The following ARL15 variants were observed in gnomAD, a reference collection of about 807,000 sequenced individuals.
The protein encoded by ARL15 is ARF like GTPase 15.
Under a neutral mutation model 25.2 loss-of-function variants are expected in ARL15, and 19 were observed. The observed-to-expected ratio is 0.75, with a 90% CI of 0.53 to 1.10. The LOEUF (loss-of-function observed/expected upper bound fraction) is 1.10. ARL15 is among the 50% of genes least tolerant of loss of function. The pLI is 0.00. For missense variants in ARL15, 220 were observed against 246.0 expected, an observed-to-expected ratio of 0.89 and a Z score of 0.71; for synonymous variants, 94 against 86.8, an observed-to-expected ratio of 1.08 and a Z score of -0.46.
chr5:54,294,497 G>GA (rs1188287828), intron 1 of ARL15, among the ~76,000 whole-genome samples: 2 of 152,164 alleles, frequency 1.3e-5, no homozygotes, highest in Non-Finnish European at 2.9e-5. Context: ...GTCAGAAAAG[G>GA]AAAGAGGGAG....
chr5:54,168,087 G>A (rs1754625845), intron 2 of ARL15, among the ~76,000 whole-genome samples: 1 of 152,176 alleles, frequency 6.6e-6, no homozygotes, highest in Non-Finnish European at 1.5e-5. Flanking sequence ...CAAAGAGCAG[G>A]GTTGTTTGTA....
intron 1 of ARL15, among the ~76,000 whole-genome samples, chr5:54,241,082 A>T (rs1279752119): frequency 6.6e-6 from 1 of 152,218 alleles, no homozygotes; most frequent in Non-Finnish European, 1.5e-5. Context: ...TGAATTATTA[A>T]TGATGCTTAA....
chr5:54,137,821 G>T (rs1753650984), intron 3 of ARL15, among the ~76,000 whole-genome samples: 1 of 151,636 alleles, frequency 6.6e-6, no homozygotes, highest in Admixed American at 6.6e-5. Context: ...TATTATAGTT[G>T]GGCATGGTGG....
At chr5:53,926,068 T>C (rs982419512) in intron 4 of ARL15, among the ~76,000 whole-genome samples, 1 of 146,876 alleles carries the variant, frequency 6.8e-6, no homozygotes, top group Middle Eastern at 3.8e-3. Context: ...CTAAAGAAGA[T>C]ACATCATCGC....
chr5:54,165,755 A>T (rs896435090), intron 2 of ARL15, among the ~76,000 whole-genome samples: 1 of 122,462 alleles, frequency 8.2e-6, no homozygotes, highest in Non-Finnish European at 1.7e-5. Context: ...TATATATATA[A>T]ATAGAGACAG....
chr5:54,034,895 C>T (rs1337278245), intron 4 of ARL15, among the ~76,000 whole-genome samples: 3 of 151,702 alleles, frequency 2.0e-5, no homozygotes, highest in Admixed American at 1.3e-4. Context: ...TCTTGAACTC[C>T]TGGCCTCAAG....
At chr5:54,250,280 C>T (rs1359409202) in intron 1 of ARL15, among the ~76,000 whole-genome samples, 1 of 152,118 alleles carries the variant, frequency 6.6e-6, no homozygotes. Context: ...CCCCCACAAT[C>T]CAACCACCCC....
chr5:54,070,404 G>C (rs930221612), intron 4 of ARL15, among the ~76,000 whole-genome samples: 19 of 151,454 alleles, frequency 1.3e-4, no homozygotes, highest in African/African-American at 4.6e-4. Context: ...AAAAAAAAAA[G>C]TTGGTTTGGC....
chr5:54,198,165 T>C (rs1248502864), intron 1 of ARL15, among the ~76,000 whole-genome samples: 1 of 152,178 alleles, frequency 6.6e-6, no homozygotes, highest in East Asian at 1.9e-4. Context: ...ATCAGCTATC[T>C]ATGACAAACC....
chr5:53,950,018 A>G (rs974331029), intron 4 of ARL15, among the ~76,000 whole-genome samples: 2 of 152,208 alleles, frequency 1.3e-5, no homozygotes, highest in Admixed American at 1.3e-4. Context: ...GCGATGCAGA[A>G]AAAAAGGCAC....
chr5:54,199,021 A>C (rs1361945728), intron 1 of ARL15, among the ~76,000 whole-genome samples: 2 of 151,610 alleles, frequency 1.3e-5, no homozygotes, highest in East Asian at 1.9e-4. Flanking sequence ...ATCTTTGACA[A>C]ACCTGAGAAA....
intron 3 of ARL15, among the ~76,000 whole-genome samples, chr5:54,119,984 T>C (rs966885192): frequency 7.2e-5 from 11 of 152,200 alleles, no homozygotes; most frequent in Non-Finnish European, 1.5e-5. Context: ...TTCATCTTCC[T>C]GATTACACTG....
At chr5:53,951,991 G>A (rs1051204142) in intron 4 of ARL15, among the ~76,000 whole-genome samples, 14 of 152,024 alleles carry the variant, frequency 9.2e-5, no homozygotes, top group Middle Eastern at 6.8e-3. Flanking sequence ...AGAGTAGCTG[G>A]GCGTGGTGGC....
chr5:54,077,260 G>T (rs545961611), intron 4 of ARL15, among the ~76,000 whole-genome samples: 1 of 152,192 alleles, frequency 6.6e-6, no homozygotes, highest in East Asian at 1.9e-4. Flanking sequence ...AAATGAATGT[G>T]GTAGGAATAT....
At chr5:53,955,923 G>A (rs1747134487) in intron 4 of ARL15, among the ~76,000 whole-genome samples, 1 of 152,128 alleles carries the variant, frequency 6.6e-6, no homozygotes, top group African/African-American at 2.4e-5. Context: ...CAGCTGCCTA[G>A]GACAAAAGAT....
At chr5:54,032,974 T>C (rs548511604) in intron 4 of ARL15, among the ~76,000 whole-genome samples, 1 of 151,760 alleles carries the variant, frequency 6.6e-6, no homozygotes, top group East Asian at 1.9e-4. Context: ...TATATGTACA[T>C]ATATAAGTAT....
At chr5:54,117,361 T>C (rs1390846504) in intron 3 of ARL15, among the ~76,000 whole-genome samples, 2 of 72,966 alleles carry the variant, frequency 2.7e-5, no homozygotes, top group Middle Eastern at 6.7e-3. Flanking sequence ...CTGCAAATAG[T>C]GAGACACATA....
At chr5:53,931,915 C>A (rs538037561) in intron 4 of ARL15, among the ~76,000 whole-genome samples, 1 of 152,318 alleles carries the variant, frequency 6.6e-6, no homozygotes, top group Admixed American at 6.5e-5. Context: ...TCTATATTCC[C>A]TGCCCATCCG....
intron 4 of ARL15, among the ~76,000 whole-genome samples, chr5:53,976,633 CATTCACTGATATGGGACA>C (rs1425298800): frequency 6.6e-6 from 1 of 152,202 alleles, no homozygotes; most frequent in Non-Finnish European, 1.5e-5. Flanking sequence ...ATGGAGGCAT[CATTCACTGATATGGGACA>C]AACAGGAAGA....
Sources: gnomAD v4.1 joint callset for allele counts (sites outside exome capture counted in the v4.1 genomes callset) on GRCh38, gnomAD v4.1.1 for gene constraint, MANE v1.5 for transcripts, NCBI Gene and HGNC (gene_info 2026-07-23, HGNC 2026-07-21) for gene names.